FMN1: variants seen among roughly 807,000 people sequenced by gnomAD.
FMN1 encodes the protein formin-1.
A neutral mutation model predicts 132.4 loss-of-function variants in FMN1; 110 were observed. The observed-to-expected ratio is 0.83, with a 90% CI of 0.71 to 0.97. FMN1 has a LOEUF of 0.97. Ranked by LOEUF, FMN1 falls within the 50% of genes least tolerant of loss-of-function variation. The pLI is 0.00. For synonymous variants in FMN1, 722 were observed against 651.7 expected, an observed-to-expected ratio of 1.11 and a Z score of -1.64; for missense variants, 1,792 against 1,705.3, an observed-to-expected ratio of 1.05 and a Z score of -0.90.
Position 33,106,893 on chromosome 15 carries a change from A to G in FMN1, c.1868-17919T>C, listed in dbSNP as rs546836239. ...TGCAGAATCTTCTCTGTCTTCATTC[A>G]CTCCATCTGTCATCTCATTCAGTCT... On this transcript the variant is annotated intron_variant, in intron 4 of 20. Coordinates refer to ENST00000616417, the MANE Select transcript of FMN1 (RefSeq NM_001277313.2). Among the ~76,000 whole-genome samples the G allele has an allele frequency of 1.9e-4, 29 of 151,858 alleles. 1 individual carries two copies. The South Asian group carries it at 5.8e-3, about 31-fold the overall frequency.
At chr15:32,999,843 A>C (rs1419024499) in intron 7 of FMN1, among the ~76,000 whole-genome samples, 5 of 152,360 alleles carry the variant, frequency 3.3e-5, no homozygotes, top group African/African-American at 1.2e-4. Context: ...CTCACAAGCC[A>C]GACAAAGGGC....
At chr15:32,973,574 T>TCA (rs1555508113) in intron 7 of FMN1, among the ~76,000 whole-genome samples, 1 of 142,702 alleles carries the variant, frequency 7.0e-6, no homozygotes, top group Middle Eastern at 3.3e-3. Flanking sequence ...TCTCTGCCCC[T>TCA]CACCCCCCCC....
intron 4 of FMN1, among the ~76,000 whole-genome samples, chr15:33,119,887 ATAAT>A (rs1962391701): frequency 1.3e-5 from 2 of 152,322 alleles, no homozygotes; most frequent in East Asian, 3.9e-4. Flanking sequence ...AAATCACTGT[ATAAT>A]TATCTTAATG....
At chr15:32,991,637 G>T (rs1474386034) in intron 7 of FMN1, among the ~76,000 whole-genome samples, 1 of 152,100 alleles carries the variant, frequency 6.6e-6, no homozygotes, top group East Asian at 1.9e-4. Flanking sequence ...AAACGACTTG[G>T]CTTGCTGTCA....
chr15:32,844,001 A>AC (rs2058802618), intron 17 of FMN1, among the ~76,000 whole-genome samples: 1 of 152,252 alleles, frequency 6.6e-6, no homozygotes, highest in African/African-American at 2.4e-5. Flanking sequence ...CAAAATTTAA[A>AC]TAAAAAAACT....
At chr15:32,856,939 T>G in intron 17 of FMN1, 76 bp downstream of exon 17, 1 of 1,058,342 alleles carries the variant, frequency 9.4e-7, no homozygotes, top group Non-Finnish European at 1.5e-6. Context: ...CCAGGGGCCG[T>G]GGGCCTCAGA....
intron 6 of FMN1, among the ~76,000 whole-genome samples, chr15:33,036,132 G>A (rs2036181583): frequency 6.6e-6 from 1 of 152,098 alleles, no homozygotes; most frequent in African/African-American, 2.4e-5. Context: ...TCAGAGTCAG[G>A]TATCCTGTTA....
chr15:32,945,510 A>G lies in FMN1; in HGVS notation c.3138+18597T>C, dbSNP rs906618133. Among the ~76,000 whole-genome samples the G allele has an allele frequency of 2.0e-5, 3 of 152,280 alleles. No homozygotes were observed. In the South Asian group the frequency reaches 6.2e-4, roughly 32 times the overall value. On this transcript the variant is annotated intron_variant, in intron 9 of 20. Transcript: ENST00000616417. ...CTTCAACCCAGTCTCACACACGTAT[A>G]TCTTTGGTGGCTTAAATAGGGCTTT...
chr15:32,964,348 T>A, intron 8 of FMN1, 91 bp from the exon 9 acceptor site: 1 of 951,672 alleles, frequency 1.1e-6, no homozygotes, highest in Non-Finnish European at 1.5e-6. Context: ...TTTTTTAATT[T>A]CATTTTTCTA....
At chr15:33,052,034 C>T (rs1037168392) in intron 6 of FMN1, among the ~76,000 whole-genome samples, 3 of 152,188 alleles carry the variant, frequency 2.0e-5, no homozygotes, top group Non-Finnish European at 4.4e-5. Flanking sequence ...TGGTCAAATT[C>T]TTTCTTCTGA....
intron 4 of FMN1, among the ~76,000 whole-genome samples, chr15:33,126,917 A>G (rs1260161982): frequency 1.3e-5 from 2 of 152,240 alleles, no homozygotes; most frequent in African/African-American, 2.4e-5. Context: ...TAAACGTTTC[A>G]TCTTGATTAA....
chr15:32,983,085 T>TAC (rs1184183468), intron 7 of FMN1, among the ~76,000 whole-genome samples: 1 of 152,170 alleles, frequency 6.6e-6, no homozygotes. Context: ...CCCTGATGAA[T>TAC]ACATTGCCCA....
At position 33,066,987 on chromosome 15, in the gene FMN1, G is replaced by A; in HGVS notation, c.2044-1913C>T. ...AGCAAAGCTAAGTCCCCATCCTTTG[G>A]TTTAATTTCCGTGATGGTCTCTCCT... On this transcript the variant is annotated intron_variant, in intron 5 of 20. Transcript: ENST00000616417. 1.2e-6 allele frequency: 2 copies of A among 1,613,916 alleles called. No individual in the cohort carries two copies. Among genetic ancestry groups the A allele is most frequent in the South Asian group, 1.1e-5 (1 of 91,080 alleles).
intron 6 of FMN1, among the ~76,000 whole-genome samples, chr15:33,052,344 C>G (rs951836654): frequency 6.6e-6 from 1 of 152,072 alleles, no homozygotes; most frequent in Non-Finnish European, 1.5e-5. Flanking sequence ...ACATGGAAAA[C>G]ATTGATAGGA....
intron 6 of FMN1, among the ~76,000 whole-genome samples, chr15:33,011,692 A>G (rs1196738920): frequency 6.6e-6 from 1 of 152,036 alleles, no homozygotes; most frequent in Non-Finnish European, 1.5e-5. Flanking sequence ...GTGGGAGAAT[A>G]TACTTGCAAC....
intron 4 of FMN1, among the ~76,000 whole-genome samples, chr15:33,144,485 A>C (rs1964132516): frequency 1.3e-5 from 2 of 151,902 alleles, no homozygotes; most frequent in South Asian, 4.2e-4. Flanking sequence ...AAAATACAAA[A>C]AATTAGCCGG....
chr15:32,950,020 T>TATATATATATACACATATATATATACAC (rs2061605647), intron 9 of FMN1, among the ~76,000 whole-genome samples: 1 of 2,910 alleles, frequency 3.4e-4, no homozygotes, highest in African/African-American at 7.9e-4. Context: ...TATATACACA[T>TATATATATATACACATATATATATACAC]ATATATATAT....
intron 4 of FMN1, among the ~76,000 whole-genome samples, chr15:33,126,382 T>C (rs1963070318): frequency 6.6e-6 from 1 of 152,044 alleles, no homozygotes; most frequent in Non-Finnish European, 1.5e-5. Context: ...GCACGCAGTG[T>C]GCACCAAAAG....
At chr15:32,806,989 G>T (rs1486809039) in intron 17 of FMN1, among the ~76,000 whole-genome samples, 1 of 152,158 alleles carries the variant, frequency 6.6e-6, no homozygotes, top group Non-Finnish European at 1.5e-5. Flanking sequence ...CTGAATGTAA[G>T]CTCTAGGAGG....
Sources: gnomAD v4.1 joint callset for allele counts (sites outside exome capture counted in the v4.1 genomes callset) on GRCh38, gnomAD v4.1.1 for gene constraint, MANE v1.5 for transcripts, NCBI Gene and HGNC (gene_info 2026-07-23, HGNC 2026-07-21) for gene names.